TRAPPC9: variants seen among roughly 807,000 people sequenced by gnomAD.
TRAPPC9 encodes the protein IKK2 binding protein.
Under a neutral mutation model 124.0 loss-of-function variants are expected in TRAPPC9, and 83 were observed. That is an observed-to-expected ratio of 0.67 (90% CI 0.56 to 0.80). TRAPPC9 has a LOEUF of 0.80. TRAPPC9 is among the 30% of genes least tolerant of loss of function. TRAPPC9 has a pLI of 0.00. For missense variants in TRAPPC9, 1,302 were observed against 1,508.3 expected (o/e 0.86, Z 2.27); for synonymous variants, 638 against 617.5 (o/e 1.03, Z -0.49).
In TRAPPC9 at chr8:139,742,413, A is replaced by G. The variant is rs912947992; in HGVS notation, c.3056-10211T>C. On this transcript the variant is annotated intron_variant, in intron 21 of 22. Coordinates refer to ENST00000438773, the MANE Select transcript of TRAPPC9 (RefSeq NM_001160372.4). The surrounding 1 kb of genome is among the most constrained non-coding windows in gnomAD (Gnocchi z 4.7). ...GCCATGAGAACCCTCCAGAACTCCAAGCCCTTGACCTCCATATTTCAGGAG... is the reference window on the plus strand; with the variant it reads ...GCCATGAGAACCCTCCAGAACTCCAGGCCCTTGACCTCCATATTTCAGGAG... Among the ~76,000 whole-genome samples the G allele has an allele frequency of 1.3e-5, 2 of 152,210 alleles. No homozygotes were observed. The highest frequency in any genetic ancestry group is 2.9e-5 in the Non-Finnish European group (2 of 68,034).
At chr8:140,154,753 C>CA (rs1267559881) in intron 17 of TRAPPC9, among the ~76,000 whole-genome samples, 2 of 152,220 alleles carry the variant, frequency 1.3e-5, no homozygotes, top group African/African-American at 4.8e-5. Context: ...GTAATATCCT[C>CA]ATTTGAATTA....
At chr8:139,837,255 T>C (rs1274435405) in intron 21 of TRAPPC9, among the ~76,000 whole-genome samples, 1 of 152,018 alleles carries the variant, frequency 6.6e-6, no homozygotes, top group Non-Finnish European at 1.5e-5. Context: ...CTGGGGGACG[T>C]GCTTCACTCT....
At chr8:140,226,490 G>A (rs573364377) in intron 16 of TRAPPC9, among the ~76,000 whole-genome samples, 1 of 151,456 alleles carries the variant, frequency 6.6e-6, no homozygotes, top group Admixed American at 6.6e-5. Context: ...TACTGGGGAG[G>A]CTAAGACAGG....
chr8:140,125,587 CTTTTT>C (rs11292333), intron 17 of TRAPPC9, among the ~76,000 whole-genome samples: 1 of 67,816 alleles, frequency 1.5e-5, no homozygotes, highest in African/African-American at 6.2e-5. Context: ...GAATCTCATT[CTTTTT>C]TTTTTTTTTT....
At chr8:139,814,087 C>T (rs1824643592) in intron 21 of TRAPPC9, among the ~76,000 whole-genome samples, 1 of 152,220 alleles carries the variant, frequency 6.6e-6, no homozygotes, top group African/African-American at 2.4e-5. Context: ...GAGCTCCCGC[C>T]TCTGAGCTCG....
chr8:139,991,270 G>A (rs1005320521), intron 18 of TRAPPC9, among the ~76,000 whole-genome samples: 6 of 152,204 alleles, frequency 3.9e-5, no homozygotes, highest in Non-Finnish European at 8.8e-5. Context: ...CGGTGCTTAC[G>A]AAATGGCACA....
intron 17 of TRAPPC9, among the ~76,000 whole-genome samples, chr8:140,134,359 T>A (rs529030534): frequency 7.4e-4 from 113 of 152,118 alleles, no homozygotes; most frequent in Non-Finnish European, 8.7e-4. Flanking sequence ...CTCCGCCTCC[T>A]GAGTTCAAGC....
At chr8:140,434,003 A>C (rs2070734073) in intron 4 of TRAPPC9, among the ~76,000 whole-genome samples, 2 of 152,232 alleles carry the variant, frequency 1.3e-5, no homozygotes, top group African/African-American at 4.8e-5. Flanking sequence ...TTTCATTTGC[A>C]TAGAAGCATA....
At chr8:139,897,731 G>T (rs1433662093) in intron 20 of TRAPPC9, among the ~76,000 whole-genome samples, 1 of 152,196 alleles carries the variant, frequency 6.6e-6, no homozygotes, top group Non-Finnish European at 1.5e-5. Context: ...TCAAATTCGG[G>T]GTCTGCTGCT....
chr8:139,785,549 C>CAG (rs1822168975), intron 21 of TRAPPC9, among the ~76,000 whole-genome samples: 1 of 138,510 alleles, frequency 7.2e-6, no homozygotes, highest in Non-Finnish European at 1.5e-5. Flanking sequence ...CACACACACA[C>CAG]ACACACACAC....
intron 21 of TRAPPC9, among the ~76,000 whole-genome samples, chr8:139,735,757 G>A (rs1818120341): frequency 6.6e-6 from 1 of 151,776 alleles, no homozygotes; most frequent in Non-Finnish European, 1.5e-5. Context: ...GAGCCACGCT[G>A]GCCTGCCTGT....
chr8:140,199,013 C>T (rs755671227), intron 17 of TRAPPC9, among the ~76,000 whole-genome samples: 2 of 152,138 alleles, frequency 1.3e-5, no homozygotes, highest in Admixed American at 6.5e-5. Flanking sequence ...ACAGGGCAAG[C>T]GGGGAGTGCG....
chr8:140,105,362 C>G (rs1048593587), intron 17 of TRAPPC9, among the ~76,000 whole-genome samples: 6 of 152,196 alleles, frequency 3.9e-5, no homozygotes, highest in African/African-American at 9.7e-5. Context: ...GAATCTGTCT[C>G]CCCCTGGTTA....
At chr8:139,996,133 A>AT (rs1324792028) in intron 18 of TRAPPC9, among the ~76,000 whole-genome samples, 116,099 of 116,112 alleles carry the variant, frequency 1, 58,043 homozygotes, top group Middle Eastern at 1. Flanking sequence ...AAAAGAAGAT[A>AT]AAAAAAGAAC....
rs1299506323 is a variant in TRAPPC9, at chr8:139,961,648, C to A, written c.2810+27078G>T. On this transcript the variant is annotated intron_variant, in intron 19 of 22. Coordinates refer to ENST00000438773, the MANE Select transcript of TRAPPC9 (RefSeq NM_001160372.4). ...AGCCTGTAGCCTGCACCCTTGGGGGCCCCAGAAAGGACCCTCCCCTCATCC... is the reference window on the plus strand; with the variant it reads ...AGCCTGTAGCCTGCACCCTTGGGGGACCCAGAAAGGACCCTCCCCTCATCC... 1.6e-5 allele frequency among the ~76,000 whole-genome samples: 2 copies of A among 122,922 alleles called. 1 individual carries two copies. The highest frequency in any genetic ancestry group is 5.1e-5 in the African/African-American group (2 of 38,962). 80.6% of individuals were successfully genotyped at this position (122,922 alleles called of 152,430 possible). A position where few individuals can be genotyped will look rare whatever the true frequency, so the allele number is the denominator to read the frequency against.
At chr8:140,444,211 CAAAA>C (rs35984317) in intron 2 of TRAPPC9, among the ~76,000 whole-genome samples, 3 of 66,656 alleles carry the variant, frequency 4.5e-5, no homozygotes. Context: ...GACTCTGTCT[CAAAA>C]AAAAAAAAAA....
chr8:140,360,186 G>C lies in TRAPPC9; in HGVS notation c.1359C>G (p.His453Gln). ...LDPKDFSRGT[H>Q]RGWAAVQMRL... ...GCATCTGGACCGCAGCCCAGCCTCT[G>C]TGCGTGCCTGCGATGGAAGTTACAA... Residue 453 changes from histidine (H) to glutamine (Q), a missense_variant, in exon 9 of 23, where the codon CAC becomes CAG. Physicochemically the swap from His to Gln is conservative, Grantham distance 24. Around this residue, in one of 3 missense-constraint regions of TRAPPC9, gnomAD observed 657 missense variants for 811.2 expected, o/e 0.81. Transcript: ENST00000438773. 6.2e-7 allele frequency: 1 copy of C among 1,614,204 alleles called. No individual in the cohort carries two copies. Among genetic ancestry groups the C allele is most frequent in the African/African-American group, 1.3e-5 (1 of 75,054 alleles).
At chr8:140,033,897 G>C (rs1481959856) in intron 17 of TRAPPC9, among the ~76,000 whole-genome samples, 2 of 151,916 alleles carry the variant, frequency 1.3e-5, no homozygotes, top group Non-Finnish European at 2.9e-5. Flanking sequence ...GGTCAGGCTG[G>C]TCTTGAACTC....
chr8:140,168,593 T>C (rs1335553162), intron 17 of TRAPPC9, among the ~76,000 whole-genome samples: 3 of 152,224 alleles, frequency 2.0e-5, no homozygotes, highest in Non-Finnish European at 2.9e-5. Context: ...GGAGGGCTCT[T>C]TGATGATTCC....
Sources: gnomAD v4.1 joint callset for allele counts (sites outside exome capture counted in the v4.1 genomes callset) on GRCh38, gnomAD v4.1.1 for gene constraint, gnomAD v4.1.1 regional missense constraint, Gnocchi (gnomAD v3.1) non-coding constraint, MANE v1.5 for transcripts, NCBI Gene and HGNC (gene_info 2026-07-23, HGNC 2026-07-21) for gene names.